SPATA6: variants seen among roughly 807,000 people sequenced by gnomAD.
The protein encoded by SPATA6 is spermatogenesis-associated protein 6.
Under a neutral mutation model 65.3 loss-of-function variants are expected in SPATA6, and 56 were observed. The observed-to-expected ratio is 0.86, with a 90% CI of 0.69 to 1.07. The LOEUF (loss-of-function observed/expected upper bound fraction) is 1.07. SPATA6 is among the 50% of genes least tolerant of loss of function. The pLI, the probability that SPATA6 is intolerant of heterozygous loss-of-function variation, is 0.00. For missense variants in SPATA6, 590 were observed against 594.8 expected (o/e 0.99, Z 0.08); for synonymous variants, 199 against 213.2 (o/e 0.93, Z 0.58).
intron 11 of SPATA6, among the ~76,000 whole-genome samples, chr1:48,355,032 T>A (rs1646619032): frequency 6.6e-6 from 1 of 152,106 alleles, no homozygotes. Context: ...CTAATCTTAG[T>A]GTCCAGCACA....
chr1:48,369,729 C>T (rs928257267), intron 9 of SPATA6, among the ~76,000 whole-genome samples: 3 of 152,202 alleles, frequency 2.0e-5, no homozygotes, highest in South Asian at 4.1e-4. Context: ...TTGCACTTCC[C>T]GAGTGAGGCA....
chr1:48,277,422 T>G, the SPATA6 span, among the ~76,000 whole-genome samples: 11 of 152,306 alleles, frequency 7.2e-5, no homozygotes, highest in South Asian at 2.3e-3. Flanking sequence ...TTCCCTTTCC[T>G]AGTCAAAGAA....
the SPATA6 span, among the ~76,000 whole-genome samples, chr1:48,265,895 G>T: frequency 5.3e-5 from 8 of 152,248 alleles, no homozygotes; most frequent in African/African-American, 1.9e-4. Flanking sequence ...ATTAATATTA[G>T]ATATGTCTCA....
At chr1:48,438,389 C>T (rs139655075) in intron 3 of SPATA6, among the ~76,000 whole-genome samples, 190 of 152,158 alleles carry the variant, frequency 1.2e-3, no homozygotes, top group Middle Eastern at 3.4e-3. Context: ...CAGTTAAAAG[C>T]GACTAGCGCA....
chr1:48,290,021 A>G, the SPATA6 span, among the ~76,000 whole-genome samples: 17 of 152,338 alleles, frequency 1.1e-4, no homozygotes, highest in Admixed American at 9.2e-4. Context: ...ATACTCCTTG[A>G]GAAGAGCGAC....
chr1:48,428,810 T>TGTGTGTAC (rs71056666), intron 3 of SPATA6, among the ~76,000 whole-genome samples: 1 of 21,234 alleles, frequency 4.7e-5, no homozygotes, highest in Non-Finnish European at 1.4e-4. Context: ...TGTGTGTGTG[T>TGTGTGTAC]ATATGTATAT....
At chr1:48,317,791 GGAA>G (rs1183423858) in intron 11 of SPATA6, among the ~76,000 whole-genome samples, 9 of 152,078 alleles carry the variant, frequency 5.9e-5, no homozygotes, top group Non-Finnish European at 1.2e-4. Flanking sequence ...AAATTTAAGA[GGAA>G]GAAGAACTCA....
chr1:48,311,356 A>AT (rs1430795335), intron 11 of SPATA6, among the ~76,000 whole-genome samples: 1 of 152,200 alleles, frequency 6.6e-6, no homozygotes. Context: ...AAAATGGGAC[A>AT]TTACTAGAGA....
At chr1:48,389,971 A>G (rs1409940436) in intron 8 of SPATA6, among the ~76,000 whole-genome samples, 1 of 152,186 alleles carries the variant, frequency 6.6e-6, no homozygotes, top group Non-Finnish European at 1.5e-5. Context: ...AATATAGAAA[A>G]ACACCAGAAA....
the SPATA6 span, among the ~76,000 whole-genome samples, chr1:48,281,282 G>C: frequency 6.6e-6 from 1 of 151,224 alleles, no homozygotes; most frequent in African/African-American, 2.4e-5. Context: ...ACAAGACAGG[G>C]ATGCCCTCTC....
intron 11 of SPATA6, among the ~76,000 whole-genome samples, chr1:48,334,146 C>A (rs1053145051): frequency 1.3e-5 from 2 of 151,934 alleles, no homozygotes; most frequent in African/African-American, 4.8e-5. Flanking sequence ...CGATAGCCGA[C>A]CAACCAATAA....
intron 3 of SPATA6, among the ~76,000 whole-genome samples, chr1:48,445,297 C>A (rs1655902908): frequency 6.6e-6 from 1 of 152,270 alleles, no homozygotes; most frequent in East Asian, 1.9e-4. Flanking sequence ...ATTGTAGGAA[C>A]ATCTATGAGG....
At chr1:48,469,410 G>A (rs1176380875) in intron 1 of SPATA6, among the ~76,000 whole-genome samples, 1 of 150,990 alleles carries the variant, frequency 6.6e-6, no homozygotes, top group Non-Finnish European at 1.5e-5. Context: ...CATACTGAAC[G>A]AAGAAAAGCA....
At chr1:48,316,785 T>C (rs1645438095) in intron 11 of SPATA6, among the ~76,000 whole-genome samples, 1 of 152,034 alleles carries the variant, frequency 6.6e-6, no homozygotes, top group African/African-American at 2.4e-5. Flanking sequence ...TCTACTAATC[T>C]GACAAAGGGC....
chr1:48,300,032 C>T (rs12564788), intron 12 of SPATA6, among the ~76,000 whole-genome samples: 7,778 of 151,644 alleles, frequency 0.051, 267 homozygotes, highest in African/African-American at 0.089. Context: ...AGAGAGAGAG[C>T]GAGCGCATGC....
At chr1:48,281,183 T>G in the SPATA6 span, among the ~76,000 whole-genome samples, 1 of 152,062 alleles carries the variant, frequency 6.6e-6, no homozygotes, top group Non-Finnish European at 1.5e-5. Flanking sequence ...GGGATGTATC[T>G]CAAAATAATA....
the SPATA6 span, among the ~76,000 whole-genome samples, chr1:48,277,679 G>C: frequency 6.6e-6 from 1 of 151,964 alleles, no homozygotes. Context: ...CAGCTGGGAA[G>C]CTCGAACTGG....
chr1:48,316,747 C>A (rs1315754069), intron 11 of SPATA6, among the ~76,000 whole-genome samples: 1 of 152,138 alleles, frequency 6.6e-6, no homozygotes, highest in Non-Finnish European at 1.5e-5. Context: ...GAACAGGCAA[C>A]CCACAGAATG....
At chr1:48,451,722 G>A (rs1656589176) in intron 2 of SPATA6, 122 bp from the exon 3 acceptor site, 1 of 832,966 alleles carries the variant, frequency 1.2e-6, no homozygotes, top group African/African-American at 1.8e-5. Flanking sequence ...AGAACTGTCA[G>A]TTCCTCTCTC....
Sources: gnomAD v4.1 joint callset for allele counts (sites outside exome capture counted in the v4.1 genomes callset) on GRCh38, gnomAD v4.1.1 for gene constraint, MANE v1.5 for transcripts, NCBI Gene and HGNC (gene_info 2026-07-23, HGNC 2026-07-21) for gene names.